OTOGL: variants seen among roughly 807,000 people sequenced by gnomAD.
OTOGL encodes otogelin-like protein.
A neutral mutation model predicts 318.5 loss-of-function variants in OTOGL; 285 were observed. The observed-to-expected ratio is 0.89, with a 90% CI of 0.81 to 0.99. The LOEUF is 0.99. Among genes scored for constraint, OTOGL ranks in the 50% least tolerant of loss-of-function variants. OTOGL has a pLI of 0.00. For synonymous variants in OTOGL, 987 were observed against 936.5 expected, an observed-to-expected ratio of 1.05 and a Z score of -0.99; for missense variants, 2,899 against 2,845.6, an observed-to-expected ratio of 1.02 and a Z score of -0.43.
intron 32 of OTOGL, among the ~76,000 whole-genome samples, chr12:80,315,821 A>G (rs965470925): frequency 2.6e-5 from 4 of 152,208 alleles, no homozygotes; most frequent in Admixed American, 1.3e-4. Flanking sequence ...TAGTTAAAGA[A>G]AATCGAACTA....
chr12:80,246,131 T>C (rs1880859506), intron 11 of OTOGL, among the ~76,000 whole-genome samples: 1 of 151,636 alleles, frequency 6.6e-6, no homozygotes, highest in Admixed American at 6.5e-5. Flanking sequence ...TACTTCCTCT[T>C]TTCCTAATTG....
At chr12:80,368,663 T>C (rs1372083973) in intron 55 of OTOGL, among the ~76,000 whole-genome samples, 1 of 152,156 alleles carries the variant, frequency 6.6e-6, no homozygotes, top group Non-Finnish European at 1.5e-5. Flanking sequence ...TTACTGTTTC[T>C]TGAATTTGAA....
At chr12:80,284,111 G>A (rs1884437117) in intron 26 of OTOGL, among the ~76,000 whole-genome samples, 2 of 152,160 alleles carry the variant, frequency 1.3e-5, no homozygotes, top group South Asian at 4.2e-4. Flanking sequence ...TCCCACTTAT[G>A]AGCGAGAACA....
chr12:80,187,463 C>A (rs1162253339), intron 1 of OTOGL, among the ~76,000 whole-genome samples: 6 of 151,994 alleles, frequency 3.9e-5, no homozygotes, highest in Admixed American at 3.9e-4. Context: ...TAAGAAAGGA[C>A]GACAGGATGA....
chr12:80,164,712 T>C (rs1873727179), intron 1 of OTOGL, among the ~76,000 whole-genome samples: 2 of 152,148 alleles, frequency 1.3e-5, no homozygotes, highest in Non-Finnish European at 2.9e-5. Flanking sequence ...GGCTGGCTCC[T>C]GTATCTGGGT....
chr12:80,253,031 G>A (rs1365155080), intron 13 of OTOGL, among the ~76,000 whole-genome samples: 1 of 152,206 alleles, frequency 6.6e-6, no homozygotes, highest in Non-Finnish European at 1.5e-5. Context: ...TCAGACAGCA[G>A]TAACAAATGC....
chr12:80,341,735 A>G (rs1360633021), intron 43 of OTOGL, among the ~76,000 whole-genome samples: 1 of 152,002 alleles, frequency 6.6e-6, no homozygotes, highest in African/African-American at 2.4e-5. Context: ...TTTCTTTCTT[A>G]CTGGGTTAAG....
chr12:80,264,686 A>G (rs1308425071), intron 19 of OTOGL, among the ~76,000 whole-genome samples: 1 of 152,084 alleles, frequency 6.6e-6, no homozygotes, highest in Non-Finnish European at 1.5e-5. Flanking sequence ...ATACTCTCCA[A>G]TTCTTTATAG....
intron 57 of OTOGL, among the ~76,000 whole-genome samples, chr12:80,374,159 GTAT>G (rs1265239479): frequency 6.6e-6 from 1 of 152,124 alleles, no homozygotes; most frequent in East Asian, 1.9e-4. Context: ...TTCCTTGGAG[GTAT>G]TATGAGAGAG....
intron 11 of OTOGL, among the ~76,000 whole-genome samples, chr12:80,249,767 G>A (rs897466938): frequency 1.3e-5 from 2 of 152,088 alleles, no homozygotes; most frequent in Admixed American, 6.5e-5. Flanking sequence ...CCCCAGCCTC[G>A]CTGCCGCCTT....
intron 1 of OTOGL, among the ~76,000 whole-genome samples, chr12:80,203,634 C>G (rs1169976635): frequency 1.3e-5 from 2 of 152,112 alleles, no homozygotes; most frequent in African/African-American, 2.4e-5. Flanking sequence ...AACACATCTA[C>G]TTCATTTTCC....
intron 1 of OTOGL, among the ~76,000 whole-genome samples, chr12:80,109,959 G>T (rs570622744): frequency 9.9e-5 from 15 of 151,894 alleles, no homozygotes; most frequent in African/African-American, 2.9e-4. Context: ...CTTAAGTTCT[G>T]GGATACATGT....
intron 1 of OTOGL, among the ~76,000 whole-genome samples, chr12:80,106,520 A>G (rs1869464262): frequency 2.0e-5 from 3 of 151,962 alleles, no homozygotes; most frequent in Admixed American, 2.0e-4. Flanking sequence ...TCTTCTCCAT[A>G]TGTTTCCTAA....
intron 7 of OTOGL, among the ~76,000 whole-genome samples, chr12:80,226,117 C>T (rs1192802342): frequency 1.3e-5 from 2 of 149,112 alleles, no homozygotes; most frequent in Non-Finnish European, 3.0e-5. Context: ...GGCCTTATTC[C>T]TTCACTTCCT....
chr12:80,271,841 C>T lies in OTOGL; in HGVS notation c.2681+31C>T, dbSNP rs548828918. On this transcript the variant is annotated intron_variant, in intron 24 of 58. Coordinates refer to ENST00000547103, the MANE Select transcript of OTOGL (RefSeq NM_001378609.3). ...CCTCTTCTTCATAATACAGAACATT[C>T]AGGATTTGCCTGAAAGCACAATATC... is the stretch of plus-strand genomic sequence containing the variant. The T allele has an allele frequency of 3.8e-6, 6 of 1,577,472 alleles. No individual in the cohort carries two copies. In the South Asian group the frequency reaches 6.9e-5, roughly 18 times the overall value.
chr12:80,159,533 T>C (rs1873358866), intron 1 of OTOGL, among the ~76,000 whole-genome samples: 2 of 152,098 alleles, frequency 1.3e-5, no homozygotes, highest in African/African-American at 2.4e-5. Context: ...TCAAGGAATA[T>C]ACCTAACCAA....
intron 1 of OTOGL, among the ~76,000 whole-genome samples, chr12:80,172,710 A>G (rs1211868267): frequency 1.3e-5 from 2 of 152,194 alleles, no homozygotes; most frequent in Admixed American, 6.5e-5. Context: ...AGCCATAAAA[A>G]GAACGAGATC....
intron 28 of OTOGL, among the ~76,000 whole-genome samples, chr12:80,303,529 A>T (rs1435092468): frequency 2.0e-5 from 3 of 152,218 alleles, no homozygotes. Flanking sequence ...AATGCATTGT[A>T]TTAGTCCATT....
At chr12:80,153,678 C>A (rs1050373001) in intron 1 of OTOGL, among the ~76,000 whole-genome samples, 1 of 152,080 alleles carries the variant, frequency 6.6e-6, no homozygotes, top group Non-Finnish European at 1.5e-5. Context: ...TTGTCACTGC[C>A]CTAAAAATCC....
Sources: allele counts gnomAD v4.1 joint callset (sites outside exome capture counted in the v4.1 genomes callset), GRCh38; gene constraint gnomAD v4.1.1; transcripts MANE v1.5; gene names NCBI Gene and HGNC (gene_info 2026-07-23, HGNC 2026-07-21).